Variants in ARPC4 observed in about 807,000 individuals in gnomAD.
The protein encoded by ARPC4 is actin related protein 2/3 complex subunit 4.
In ARPC4, 3 loss-of-function variants were observed where a neutral mutation model predicts 22.8. The observed-to-expected ratio is 0.13, with a 90% confidence interval of 0.06 to 0.34. The LOEUF is 0.34. ARPC4 is among the 10% of genes least tolerant of loss of function. ARPC4 has a pLI of 1.00. For missense variants in ARPC4, 98 were observed against 211.0 expected, an observed-to-expected ratio of 0.46 and a Z score of 3.32; for synonymous variants, 80 against 72.5, an observed-to-expected ratio of 1.10 and a Z score of -0.52.
Position 9,806,231 on chromosome 3 carries a change from C to A in ARPC4, c.*16C>A. On this transcript the variant is annotated 3_prime_UTR_variant, in exon 6 of 6. Transcript: ENST00000397261. ...ACAGTTTTAAACCATCTGGCTGGAT[C>A]TCGTGGCCTTCCCCCTCAGACTACC... The A allele has an allele frequency of 1.2e-6, 2 of 1,613,728 alleles. No homozygotes were observed. Among genetic ancestry groups the A allele is most frequent in the South Asian group, 2.2e-5 (2 of 91,084 alleles).
At position 9,793,093 on chromosome 3, in the gene ARPC4, T is replaced by C. The variant is rs2078785065; in HGVS notation, c.-29T>C. ...TCGCGGGGCTGGCCACTTCCGTACT[T>C]CCGCTTTCCGGCCCAGCCAGCGCCC... On this transcript the variant is annotated 5_prime_UTR_variant, in exon 1 of 6. Coordinates refer to ENST00000397261, the MANE Select transcript of ARPC4 (RefSeq NM_005718.5). 1 of 1,545,370 alleles carries C rather than the reference T, an allele frequency of 6.5e-7. No homozygotes were observed. The highest frequency in any genetic ancestry group is 1.2e-5 in the South Asian group (1 of 83,870).
rs1474336972 is a variant in ARPC4, at chr3:9,803,920, C to T, written c.408C>T (p.Ile136=). 3 of 1,614,190 alleles carry T rather than the reference C, an allele frequency of 1.9e-6. No individual in the cohort carries two copies. The South Asian group carries it at 3.3e-5, about 18-fold the overall frequency. ...MYKHKLVDFV[I]HFMEEIDKEI... ...AACACAAGTTGGTGGACTTTGTGAT[C>T]CACTTCATGGAGGAGATTGACAAGG... is the stretch of plus-strand genomic sequence containing the variant. The change falls in exon 5 of 6, where the codon ATC becomes ATT. Residue 136 remains isoleucine, a synonymous_variant. Transcript: ENST00000397261.
At chr3:9,795,006 T>C (rs950646811) in intron 1 of ARPC4, among the ~76,000 whole-genome samples, 1 of 152,120 alleles carries the variant, frequency 6.6e-6, no homozygotes, top group Non-Finnish European at 1.5e-5. Context: ...GAAGTGGTTT[T>C]TCTTTTTCTT....
At chr3:9,798,138 T>C (rs1366667841) in intron 2 of ARPC4, 21 of 172,476 alleles carry the variant, frequency 1.2e-4, no homozygotes, top group Admixed American at 2.4e-4. Flanking sequence ...TTTTTTTTTT[T>C]CCCATCTCCA....
chr3:9,800,172 A>G lies in ARPC4; in HGVS notation c.123-13A>G. 6.2e-7 allele frequency: 1 copy of G among 1,613,696 alleles called. No homozygotes were observed. Among genetic ancestry groups the G allele is most frequent in the Non-Finnish European group, 8.5e-7 (1 of 1,179,826 alleles). On this transcript the variant is annotated splice_polypyrimidine_tract_variant and intron_variant, in intron 2 of 5. Transcript: ENST00000397261. ...CTCTGTAGTACAAGTACTCTGTCAC[A>G]TTATGTTTTCAGGAGTAGCAAAGAG... is the stretch of plus-strand genomic sequence containing the variant.
chr3:9,800,129 A>G, intron 2 of ARPC4, 56 bp from the exon 3 acceptor site: 1 of 1,582,892 alleles, frequency 6.3e-7, no homozygotes. Context: ...GCGTGGGGTC[A>G]CTCTGACTAT....
At chr3:9,796,265 G>T (rs1488081390) in intron 1 of ARPC4, among the ~76,000 whole-genome samples, 1 of 152,156 alleles carries the variant, frequency 6.6e-6, no homozygotes, top group Non-Finnish European at 1.5e-5. Flanking sequence ...ATGGTGATGT[G>T]CGCCTGTAAT....
intron 2 of ARPC4, chr3:9,799,809 A>G (rs1186313454): frequency 6.6e-6 from 3 of 451,352 alleles, no homozygotes; most frequent in East Asian, 6.8e-5. Flanking sequence ...TAAAATAGCT[A>G]TCTTTTGTAA....
At chr3:9,803,406 C>A (rs2079052979) in intron 4 of ARPC4, 4 of 431,934 alleles carry the variant, frequency 9.3e-6, no homozygotes, top group Non-Finnish European at 1.9e-5. Flanking sequence ...TAGATCTAAC[C>A]TCTGGGGCCA....
At chr3:9,801,777 A>C (rs774182116) in intron 4 of ARPC4, 21 bp downstream of exon 4, 1 of 1,579,490 alleles carries the variant, frequency 6.3e-7, no homozygotes, top group African/African-American at 1.3e-5. Context: ...GTGACCCATG[A>C]GTTTGCGATA....
intron 1 of ARPC4, among the ~76,000 whole-genome samples, chr3:9,797,102 C>T (rs2078911558): frequency 6.6e-6 from 1 of 151,916 alleles, no homozygotes. Context: ...ATTTGCTATC[C>T]AGTTGAGCTG....
At chr3:9,805,838 C>G (rs2079096229) in intron 5 of ARPC4, among the ~76,000 whole-genome samples, 1 of 152,206 alleles carries the variant, frequency 6.6e-6, no homozygotes, top group African/African-American at 2.4e-5. Flanking sequence ...TCCTTTTCCA[C>G]TTGGCCCTCT....
intron 4 of ARPC4, 122 bp downstream of exon 4, chr3:9,801,878 CT>C: frequency 9.7e-7 from 1 of 1,034,436 alleles, no homozygotes; most frequent in Non-Finnish European, 1.4e-6. Context: ...GAGAGTTGGC[CT>C]TCATCTTGGA....
chr3:9,797,367 C>T (rs1276000005), intron 1 of ARPC4, among the ~76,000 whole-genome samples: 2 of 152,146 alleles, frequency 1.3e-5, no homozygotes, highest in Non-Finnish European at 2.9e-5. Flanking sequence ...CAAGTCATGA[C>T]AATTGAAAAT....
intron 4 of ARPC4, among the ~76,000 whole-genome samples, chr3:9,803,106 A>G (rs2079047190): frequency 6.6e-6 from 1 of 150,842 alleles, no homozygotes; most frequent in East Asian, 2.0e-4. Flanking sequence ...GATGGTCTTG[A>G]TCTCCTGACC....
chr3:9,806,257 C>T lies in ARPC4; in HGVS notation c.*42C>T. On this transcript the variant is annotated 3_prime_UTR_variant, in exon 6 of 6. Coordinates refer to ENST00000397261, the MANE Select transcript of ARPC4 (RefSeq NM_005718.5). ...TCGTGGCCTTCCCCCTCAGACTACC[C>T]ATGTCTCCACGAAGGCGTCCTGGAG... 1 of 1,608,102 alleles carries T rather than the reference C, an allele frequency of 6.2e-7. No individual in the cohort carries two copies. Among genetic ancestry groups the T allele is most frequent in the South Asian group, 1.1e-5 (1 of 90,964 alleles).
chr3:9,793,392 C>T (rs889463539), intron 1 of ARPC4, among the ~76,000 whole-genome samples: 3 of 152,170 alleles, frequency 2.0e-5, no homozygotes, highest in African/African-American at 7.2e-5. Flanking sequence ...CCTGTAGGAA[C>T]CCGGAAGTGG....
intron 1 of ARPC4, among the ~76,000 whole-genome samples, chr3:9,795,832 A>G (rs2078870710): frequency 6.6e-6 from 1 of 152,226 alleles, no homozygotes; most frequent in Non-Finnish European, 1.5e-5. Flanking sequence ...GCAGTGGTTC[A>G]TGTCTGTAAT....
intron 3 of ARPC4, among the ~76,000 whole-genome samples, chr3:9,801,212 GAAAA>G (rs745696982): frequency 0.011 from 739 of 66,410 alleles, 1 homozygote; most frequent in Non-Finnish European, 0.017. Context: ...TTCCATCTCA[GAAAA>G]AAAAAAAAAA....
Sources: gnomAD v4.1 joint callset for allele counts (sites outside exome capture counted in the v4.1 genomes callset) on GRCh38, gnomAD v4.1.1 for gene constraint, MANE v1.5 for transcripts, NCBI Gene and HGNC (gene_info 2026-07-23, HGNC 2026-07-21) for gene names.